FAT3: variants seen among roughly 807,000 people sequenced by gnomAD.
FAT3 encodes the protein protocadherin Fat 3.
Under a neutral mutation model 310.2 loss-of-function variants are expected in FAT3, and 95 were observed. That is an observed-to-expected ratio of 0.31 (90% confidence interval 0.26 to 0.36). The LOEUF (loss-of-function observed/expected upper bound fraction) is 0.36. Ranked by LOEUF, FAT3 falls within the 10% of genes least tolerant of loss-of-function variation. The pLI is 1.00. For missense variants in FAT3, 5,408 were observed against 5,715.6 expected, an observed-to-expected ratio of 0.95 and a Z score of 1.74; for synonymous variants, 2,314 against 2,192.9, an observed-to-expected ratio of 1.06 and a Z score of -1.54.
At chr11:92,381,798 C>T (rs1462853914) in intron 2 of FAT3, among the ~76,000 whole-genome samples, 2 of 152,054 alleles carry the variant, frequency 1.3e-5, no homozygotes, top group Non-Finnish European at 2.9e-5. Flanking sequence ...ATTTTAAGTA[C>T]TTCCTTTTTT....
intron 2 of FAT3, among the ~76,000 whole-genome samples, chr11:92,437,090 G>A (rs1591289896): frequency 6.6e-6 from 1 of 152,010 alleles, no homozygotes. Flanking sequence ...TTTTATTTCT[G>A]TCTCCAGTGA....
chr11:92,443,678 C>A (rs1219835639), intron 2 of FAT3, among the ~76,000 whole-genome samples: 2 of 152,136 alleles, frequency 1.3e-5, no homozygotes, highest in African/African-American at 4.8e-5. Flanking sequence ...AGAAACTGAT[C>A]TATTCTGTGT....
At chr11:92,293,553 A>ATATATAT (rs1565206851) in intron 1 of FAT3, among the ~76,000 whole-genome samples, 283 of 16,082 alleles carry the variant, frequency 0.018, 8 homozygotes, top group African/African-American at 0.04. Flanking sequence ...TATATATATA[A>ATATATAT]ATAAAATATA....
chr11:92,805,247 T>C lies in FAT3; in HGVS notation c.8991T>C (p.Ile2997=). ...CTCTAGACAGAGAAGAACAGGACAT[T>C]TACTTTCTCAATATCACTGCCACTG... ...KRPLDREEQD[I]YFLNITATDG... Residue 2997 remains isoleucine, a synonymous_variant, in exon 11 of 28, where the codon ATT becomes ATC. Coordinates refer to ENST00000525166, the MANE Select transcript of FAT3 (RefSeq NM_001367949.2). The C allele has an allele frequency of 3.1e-6, 5 of 1,613,850 alleles. No individual in the cohort carries two copies. Among genetic ancestry groups the C allele is most frequent in the Non-Finnish European group, 4.2e-6 (5 of 1,179,842 alleles).
At chr11:92,272,312 C>T (rs1332588539) in intron 1 of FAT3, among the ~76,000 whole-genome samples, 1 of 152,004 alleles carries the variant, frequency 6.6e-6, no homozygotes, top group African/African-American at 2.4e-5. Flanking sequence ...GTGGGCTATG[C>T]CAATTTCTGG....
At chr11:92,525,298 G>T (rs1953820859) in intron 3 of FAT3, among the ~76,000 whole-genome samples, 1 of 152,106 alleles carries the variant, frequency 6.6e-6, no homozygotes, top group African/African-American at 2.4e-5. Context: ...GAGCAAGCTG[G>T]CTTTGTGATG....
At chr11:92,637,296 C>T (rs985785939) in intron 3 of FAT3, among the ~76,000 whole-genome samples, 4 of 152,038 alleles carry the variant, frequency 2.6e-5, no homozygotes, top group African/African-American at 9.7e-5. Context: ...TCTCAGAGCC[C>T]CAGATGTGAT....
At chr11:92,232,197 T>G (rs1017752532) in intron 1 of FAT3, among the ~76,000 whole-genome samples, 2 of 152,142 alleles carry the variant, frequency 1.3e-5, no homozygotes, top group African/African-American at 2.4e-5. Context: ...GTGGGCCAAA[T>G]GCAGATGACT....
At chr11:92,563,091 A>T (rs961928332) in intron 3 of FAT3, among the ~76,000 whole-genome samples, 4 of 152,222 alleles carry the variant, frequency 2.6e-5, no homozygotes, top group African/African-American at 9.6e-5. Context: ...AAAGAGCTGG[A>T]GAATGTGGCT....
chr11:92,368,692 G>A (rs1037146659), intron 2 of FAT3, among the ~76,000 whole-genome samples: 1 of 151,866 alleles, frequency 6.6e-6, no homozygotes, highest in Non-Finnish European at 1.5e-5. Flanking sequence ...ACCCACCTCA[G>A]GTTATATTCA....
At chr11:92,672,649 A>G (rs1943166061) in intron 3 of FAT3, among the ~76,000 whole-genome samples, 1 of 152,184 alleles carries the variant, frequency 6.6e-6, no homozygotes. Context: ...CAGATTAAGG[A>G]GCATATTTAG....
intron 2 of FAT3, among the ~76,000 whole-genome samples, chr11:92,415,094 C>T (rs967741512): frequency 6.6e-6 from 1 of 152,098 alleles, no homozygotes; most frequent in Non-Finnish European, 1.5e-5. Context: ...ATCGCTGCTT[C>T]AGGACCTTCT....
At chr11:92,469,372 C>T (rs886274421) in intron 2 of FAT3, among the ~76,000 whole-genome samples, 1 of 152,152 alleles carries the variant, frequency 6.6e-6, no homozygotes, top group Non-Finnish European at 1.5e-5. Flanking sequence ...CCATCTGTCT[C>T]TTCTTGGCAA....
intron 2 of FAT3, among the ~76,000 whole-genome samples, chr11:92,463,636 C>G (rs1310343337): frequency 1.3e-5 from 2 of 152,152 alleles, no homozygotes; most frequent in African/African-American, 2.4e-5. Context: ...ATTAAAAACA[C>G]TGGCCCTTGG....
chr11:92,417,502 T>C (rs1271885197), intron 2 of FAT3, among the ~76,000 whole-genome samples: 1 of 152,178 alleles, frequency 6.6e-6, no homozygotes, highest in Non-Finnish European at 1.5e-5. Flanking sequence ...CACAGAAATA[T>C]GCTTAAGGTA....
chr11:92,715,715 G>C (rs1347185235), intron 4 of FAT3, among the ~76,000 whole-genome samples: 2 of 152,052 alleles, frequency 1.3e-5, no homozygotes, highest in Non-Finnish European at 1.5e-5. Context: ...CCAACTTTGA[G>C]AAACAACTTG....
chr11:92,256,737 C>T (rs1865333168), intron 1 of FAT3, among the ~76,000 whole-genome samples: 1 of 152,086 alleles, frequency 6.6e-6, no homozygotes, highest in Non-Finnish European at 1.5e-5. Context: ...ATGTTAAGCT[C>T]ATCACAATTC....
At chr11:92,316,991 T>C (rs902044822) in intron 1 of FAT3, among the ~76,000 whole-genome samples, 3 of 152,138 alleles carry the variant, frequency 2.0e-5, no homozygotes, top group Non-Finnish European at 2.9e-5. Flanking sequence ...AGATGAGGAT[T>C]TGGGGACTTC....
chr11:92,801,685 T>G lies in FAT3; in HGVS notation c.8672T>G (p.Phe2891Cys), dbSNP rs778900964. Residue 2891 changes from phenylalanine to cysteine, a missense_variant, in exon 10 of 28, where the codon TTC (phenylalanine) becomes TGC (cysteine). Physicochemically the swap from Phe to Cys is radical, Grantham distance 205. Transcript: ENST00000525166. ...LDHETDPTFT[F>C]SVVASDLGEA... ...CACGAGACAGACCCCACATTCACCT[T>G]CTCTGTGGTGGCCTCTGACCTTGGA... is the stretch of plus-strand genomic sequence containing the variant. 1.2e-6 allele frequency: 2 copies of G among 1,613,888 alleles called. No homozygotes were observed. Among genetic ancestry groups the G allele is most frequent in the Non-Finnish European group, 1.7e-6 (2 of 1,179,836 alleles).
Sources: gnomAD v4.1 joint callset for allele counts (sites outside exome capture counted in the v4.1 genomes callset) on GRCh38, gnomAD v4.1.1 for gene constraint, MANE v1.5 for transcripts, NCBI Gene and HGNC (gene_info 2026-07-23, HGNC 2026-07-21) for gene names.